CHADL: variants seen among roughly 807,000 people sequenced by gnomAD.
CHADL encodes chondroadherin like, also known as chondroadherin-like protein.
In CHADL, 48 loss-of-function variants were observed where a neutral mutation model predicts 52.1. The observed-to-expected ratio is 0.92, with a 90% CI of 0.73 to 1.17. The LOEUF (loss-of-function observed/expected upper bound fraction) is 1.17, where lower values mean the gene tolerates loss of function less well. Among genes scored for constraint, CHADL ranks in the 50% most tolerant of loss-of-function variants. CHADL has a pLI of 0.00. For missense variants in CHADL, 977 were observed against 1,035.1 expected (o/e 0.94, Z 0.77); for synonymous variants, 498 against 511.2 (o/e 0.97, Z 0.35).
In CHADL at chr22:41,236,652, T is replaced by G. The variant is rs2032745670; in HGVS notation, c.1897-2A>C. On this transcript the variant is annotated splice_acceptor_variant, in intron 3 of 5. Coordinates refer to ENST00000216241, the MANE Select transcript of CHADL (RefSeq NM_138481.2). LOFTEE classifies it high-confidence loss of function. Reference sequence around the variant, plus strand: ...GCCTGAAAAGGCCCCAGGACAAATCTGCAAGGAGTTGCCAGGCCCCAATGT... The same window carrying G: ...GCCTGAAAAGGCCCCAGGACAAATCGGCAAGGAGTTGCCAGGCCCCAATGT... 1 of 1,546,352 alleles carries G rather than the reference T, an allele frequency of 6.5e-7. No individual in the cohort carries two copies. The highest frequency in any genetic ancestry group is 8.7e-7 in the Non-Finnish European group (1 of 1,146,304).
At chr22:41,237,086 G>A in intron 3 of CHADL, 90 bp downstream of exon 3, 1 of 1,343,756 alleles carries the variant, frequency 7.4e-7, no homozygotes, top group East Asian at 2.5e-5. Context: ...CTGGCACCAA[G>A]GGGCTGGCAA....
chr22:41,235,477 C>G (rs1223376655), intron 4 of CHADL, 134 bp from the exon 5 acceptor site: 1 of 695,326 alleles, frequency 1.4e-6, no homozygotes, highest in Non-Finnish European at 2.4e-6. Context: ...CATTCATTCG[C>G]TCAACAAGCA....
In CHADL at chr22:41,237,299, C is replaced by A; in HGVS notation, c.1773G>T (p.Gly591=). 1 of 1,550,636 alleles carries A rather than the reference C, an allele frequency of 6.4e-7. No individual in the cohort carries two copies. The highest frequency in any genetic ancestry group is 1.2e-5 in the South Asian group (1 of 84,062). The part of the protein sequence containing the change: ...LREVPTGALE[G]LPALLELQLS... ...GCTGCAGCTCCAGGAGGGCAGGCAG[C>A]CCCTCCAAGGCCCCAGTGGGCACCT... is the stretch of plus-strand genomic sequence containing the variant. Residue 591 remains glycine (G), a synonymous_variant, in exon 3 of 6, where the codon GGG becomes GGT. Coordinates refer to ENST00000216241, the MANE Select transcript of CHADL (RefSeq NM_138481.2).
Position 41,237,991 on chromosome 22 carries a change from C to A in CHADL, c.1081G>T (p.Ala361Ser). 1 of 1,258,876 alleles carries A rather than the reference C, an allele frequency of 7.9e-7. No individual in the cohort carries two copies. The highest frequency in any genetic ancestry group is 4.3e-5 in the Admixed American group (1 of 23,204). 78.0% of individuals were successfully genotyped at this position (1,258,876 alleles called of 1,614,324 possible). ...RPWDLRCPGD[A>S]AQEEEELEER... ...TCCAGCTCTTCCTCTTCCTGCGCCGCGTCCCCAGGGCAGCGCAGGTCCCAG... is the reference window on the plus strand; with the variant it reads ...TCCAGCTCTTCCTCTTCCTGCGCCGAGTCCCCAGGGCAGCGCAGGTCCCAG... Residue 361 changes from alanine (A) to serine (S), a missense_variant, in exon 3 of 6, where the codon GCG becomes TCG. Transcript: ENST00000216241.
chr22:41,240,660 T>G (rs773440013), intron 1 of CHADL, among the ~76,000 whole-genome samples: 56 of 152,240 alleles, frequency 3.7e-4, no homozygotes, highest in Admixed American at 1.9e-3. Context: ...ACTGCTGGGC[T>G]CTCAGACAAG....
intron 4 of CHADL, among the ~76,000 whole-genome samples, chr22:41,235,773 T>C (rs1283797901): frequency 6.6e-6 from 1 of 152,204 alleles, no homozygotes; most frequent in Non-Finnish European, 1.5e-5. Flanking sequence ...CCCCCCTTTT[T>C]ACAGATGGGC....
At chr22:41,239,860 A>T (rs974638875) in intron 1 of CHADL, among the ~76,000 whole-genome samples, 1 of 152,186 alleles carries the variant, frequency 6.6e-6, no homozygotes, top group Non-Finnish European at 1.5e-5. Context: ...TGACCTGGTT[A>T]GTCCCTTTGC....
intron 5 of CHADL, among the ~76,000 whole-genome samples, chr22:41,232,439 A>C (rs778887195): frequency 6.6e-6 from 1 of 152,082 alleles, no homozygotes; most frequent in Non-Finnish European, 1.5e-5. Context: ...CTTCCCGAGC[A>C]TCTTCTGGGT....
At chr22:41,230,568 C>T (rs111756002) in intron 5 of CHADL, 2 of 369,336 alleles carry the variant, frequency 5.4e-6, no homozygotes, top group Non-Finnish European at 1.0e-5. Context: ...TGGCCTCCCC[C>T]CGACCCGCCA....
chr22:41,239,357 T>G, intron 2 of CHADL, 86 bp downstream of exon 2: 1 of 1,281,228 alleles, frequency 7.8e-7, no homozygotes, highest in South Asian at 1.4e-5. Context: ...CGGTGGCAGA[T>G]CAACTGGTGC....
chr22:41,236,376 A>G, intron 4 of CHADL, 108 bp downstream of exon 4: 1 of 1,020,624 alleles, frequency 9.8e-7, no homozygotes, highest in Non-Finnish European at 1.4e-6. Flanking sequence ...GCCCCTCCCC[A>G]CAAGCTGCTC....
chr22:41,237,644 G>C lies in CHADL; in HGVS notation c.1428C>G (p.Ile476Met), dbSNP rs770381354. The change falls in exon 3 of 6, where the codon ATC becomes ATG. Residue 476 changes from isoleucine to methionine, a missense_variant. Coordinates refer to ENST00000216241, the MANE Select transcript of CHADL (RefSeq NM_138481.2). ...AGALAGLGRL[I>M]YLYLSDNQLA... ...GCTGGTTGTCGGAGAGGTACAGGTA[G>C]ATCAGGCGGCCCAGCCCGGCCAGGG... The C allele has an allele frequency of 2.6e-6, 4 of 1,548,544 alleles. No individual in the cohort carries two copies. Among genetic ancestry groups the C allele is most frequent in the Non-Finnish European group, 3.5e-6 (4 of 1,145,728 alleles).
chr22:41,240,763 C>T (rs910226946), intron 1 of CHADL, 111 bp downstream of exon 1: 1 of 1,351,252 alleles, frequency 7.4e-7, no homozygotes, highest in Non-Finnish European at 1.0e-6. Flanking sequence ...CCAGGAAGTC[C>T]CCAGAGCCCC....
intron 5 of CHADL, among the ~76,000 whole-genome samples, chr22:41,232,909 C>T (rs1334115941): frequency 1.3e-5 from 2 of 152,128 alleles, no homozygotes; most frequent in African/African-American, 2.4e-5. Context: ...CTCTCATCAA[C>T]GATAGTTCCG....
intron 5 of CHADL, among the ~76,000 whole-genome samples, chr22:41,231,495 C>T (rs1056507855): frequency 6.6e-6 from 1 of 152,202 alleles, no homozygotes; most frequent in African/African-American, 2.4e-5. Context: ...GAGATGGAGC[C>T]TGTGTCCGCC....
At position 41,238,083 on chromosome 22, in the gene CHADL, A is replaced by C. The variant is rs1197395206; in HGVS notation, c.989T>G (p.Val330Gly). 88 of 1,286,548 alleles carry C rather than the reference A, an allele frequency of 6.8e-5. No individual in the cohort carries two copies. The highest frequency in any genetic ancestry group is 6.6e-5 in the Non-Finnish European group (68 of 1,026,176). The allele number at this position is 1,286,548 out of a possible 1,614,324, so 79.7% of individuals were successfully genotyped here. A position where few individuals can be genotyped will look rare whatever the true frequency, so the allele number is the denominator to read the frequency against. ...CCCCTGGCACGCGCCGTCCGAGCGC[A>C]CGCGCGCCCGCGCCAGCCACTCGAG... ...PLLEWLARAR[V>G]RSDGACQGPR... The change falls in exon 3 of 6, where the codon GTG becomes GGG. Residue 330 changes from valine (V) to glycine (G), a missense_variant. By Grantham distance (109) the Val-to-Gly change is moderately radical (BLOSUM62 -3). Transcript: ENST00000216241. The surrounding 1 kb of genome is among the most constrained non-coding windows in gnomAD (Gnocchi z 4.9).
Position 41,239,498 on chromosome 22 carries a change from C to T in CHADL, c.131G>A (p.Arg44Gln), listed in dbSNP as rs1395783398. ...GTTCTGGTACCGGCAGGCAACGTGTCGCCTGGAGTTGTCACAGATGCAGGC... is the reference window on the plus strand; with the variant it reads ...GTTCTGGTACCGGCAGGCAACGTGTTGCCTGGAGTTGTCACAGATGCAGGC... ...PQACICDNSR[R>Q]HVACRYQNLT... The change falls in exon 2 of 6, where the codon CGA (arginine) becomes CAA (glutamine). Residue 44 changes from arginine (R) to glutamine (Q), a missense_variant. Transcript: ENST00000216241. The T allele has an allele frequency of 1.1e-5, 17 of 1,550,528 alleles. No homozygotes were observed. Among genetic ancestry groups the T allele is most frequent in the East Asian group, 2.4e-5 (1 of 40,880 alleles).
At position 41,237,160 on chromosome 22, in the gene CHADL, G is replaced by A. The variant is rs1206507391; in HGVS notation, c.1896+16C>T. 1 of 1,525,470 alleles carries A rather than the reference G, an allele frequency of 6.6e-7. No homozygotes were observed. The highest frequency in any genetic ancestry group is 8.8e-7 in the Non-Finnish European group (1 of 1,131,216). The allele number at this position is 1,525,470 out of a possible 1,614,324, so 94.5% of individuals were successfully genotyped here. ...GCCGCCTCCTGCACCAACCCCGCCA[G>A]ATGCCCAGTGCCCACCTGCTCCAGG... On this transcript the variant is annotated intron_variant, in intron 3 of 5. Coordinates refer to ENST00000216241, the MANE Select transcript of CHADL (RefSeq NM_138481.2).
In CHADL at chr22:41,237,178, G is replaced by A. The variant is rs1189737459; in HGVS notation, c.1894C>T (p.Gln632Ter). Residue 632 changes from glutamine (Q) to a stop codon, truncating the protein, a stop_gained and splice_region_variant, in exon 3 of 6, where the codon CAG (glutamine) becomes TAG (stop). Coordinates refer to ENST00000216241, the MANE Select transcript of CHADL (RefSeq NM_138481.2). LOFTEE classifies it high-confidence loss of function. ...CCCGCCAGATGCCCAGTGCCCACCT[G>A]CTCCAGGCCACTGCTGTTCAGGAAG... is the stretch of plus-strand genomic sequence containing the variant. ...HLFLNSSGLE[Q>*]ICPGAFSGLG... is the part of the protein sequence containing the mutation. 5 of 1,537,768 alleles carry A rather than the reference G, an allele frequency of 3.3e-6. No individual in the cohort carries two copies. The highest frequency in any genetic ancestry group is 2.5e-5 in the East Asian group (1 of 40,610).
Sources: allele counts gnomAD v4.1 joint callset (sites outside exome capture counted in the v4.1 genomes callset), GRCh38; gene constraint gnomAD v4.1.1; non-coding constraint Gnocchi (gnomAD v3.1); transcripts MANE v1.5; gene names NCBI Gene and HGNC (gene_info 2026-07-23, HGNC 2026-07-21).